The following DPH6 variants were observed in gnomAD, a reference collection of about 807,000 sequenced individuals.
DPH6 encodes the protein diphthine--ammonia ligase.
Under a neutral mutation model 38.2 loss-of-function variants are expected in DPH6, and 33 were observed. The observed-to-expected ratio is 0.86, with a 90% CI of 0.65 to 1.15. The LOEUF is 1.15. DPH6 is among the 50% of genes most tolerant of loss of function. The pLI, the probability that DPH6 is intolerant of heterozygous loss-of-function variation, is 0.00. For synonymous variants in DPH6, 108 were observed against 103.0 expected (o/e 1.05, Z -0.30); for missense variants, 325 against 320.0 (o/e 1.02, Z -0.12).
chr15:35,365,294 T>G (rs1011528440), intron 3 of DPH6, among the ~76,000 whole-genome samples: 2 of 152,224 alleles, frequency 1.3e-5, no homozygotes, highest in South Asian at 4.1e-4. Context: ...TCTATCTGTC[T>G]CACTCCATAG....
At position 35,507,323 on chromosome 15, in the gene DPH6, T is replaced by A. The variant is rs967649318; in HGVS notation, c.312+30951A>T. Reference sequence around the variant, plus strand: ...AAATACTATAATATAAAAATTTTATTTCTCTCACAATAATTTCTATGTATG... The same window carrying A: ...AAATACTATAATATAAAAATTTTATATCTCTCACAATAATTTCTATGTATG... On this transcript the variant is annotated intron_variant, in intron 3 of 8. Transcript: ENST00000256538. Among the ~76,000 whole-genome samples the A allele has an allele frequency of 9.2e-5, 14 of 152,158 alleles. No individual in the cohort carries two copies. The East Asian group carries it at 2.7e-3, about 29-fold the overall frequency.
chr15:35,438,683 T>G (rs2141052279), intron 5 of DPH6, among the ~76,000 whole-genome samples: 1 of 152,296 alleles, frequency 6.6e-6, no homozygotes, highest in Admixed American at 6.5e-5. Flanking sequence ...AAGAGAGCTC[T>G]TATTAATTGG....
In DPH6 at chr15:35,275,726, A is replaced by AAATAAT. The variant is rs547014638; in HGVS notation, n.201-55150_201-55145dup. Among the ~76,000 whole-genome samples, 12 of 151,920 alleles carry AAATAAT rather than the reference A, an allele frequency of 7.9e-5. No homozygotes were observed. The South Asian group carries it at 1.0e-3, about 13-fold the overall frequency. Reference sequence around the variant, plus strand: ...CAGACCTTAAAGTAAAAAAAAAAAAAAATAATAATATTAGTCTTCAATCTC... The same window carrying AAATAAT: ...CAGACCTTAAAGTAAAAAAAAAAAAAAATAATAATAATAATATTAGTCTTCAATCTC... On this transcript the variant is annotated intron_variant and non_coding_transcript_variant, in intron 3 of 3. Transcript: ENST00000560386.
chr15:35,482,384 G>A (rs2141152166), intron 3 of DPH6, among the ~76,000 whole-genome samples: 1 of 152,160 alleles, frequency 6.6e-6, no homozygotes, highest in East Asian at 1.9e-4. Flanking sequence ...CCTGACCTGA[G>A]GCTGTGCAGA....
chr15:35,302,289 A>G (rs2052059669), intron 3 of DPH6, among the ~76,000 whole-genome samples: 2 of 152,144 alleles, frequency 1.3e-5, no homozygotes, highest in African/African-American at 4.8e-5. Context: ...ATTACTAGCA[A>G]TCTCTTTTCT....
intron 2 of DPH6, 111 bp downstream of exon 2, chr15:35,542,302 A>G (rs2055264371): frequency 1.1e-6 from 1 of 873,794 alleles, no homozygotes; most frequent in Non-Finnish European, 1.7e-6. Context: ...TGGGTGCTTA[A>G]TATTTATTGG....
intron 3 of DPH6, among the ~76,000 whole-genome samples, chr15:35,361,552 A>T (rs2052614747): frequency 6.7e-6 from 1 of 149,396 alleles, no homozygotes. Context: ...GTACTCTCAT[A>T]CTGTATAGAT....
Position 35,357,368 on chromosome 15 carries a change from G to A in DPH6, n.207+16153C>T, listed in dbSNP as rs577535086. The stretch of plus-strand genomic sequence containing the variant: ...AATGCAGAAATCACCCATCTTCTGC[G>A]TTGCTCACACTGTGAGCTGTAGACT... On this transcript the variant is annotated intron_variant and non_coding_transcript_variant, in intron 3 of 3. Transcript: ENST00000558973. Among the ~76,000 whole-genome samples, 187 of 152,316 alleles carry A rather than the reference G, an allele frequency of 1.2e-3. 1 individual carries two copies. The highest frequency in any genetic ancestry group is 6.8e-3 in the Middle Eastern group (2 of 294).
intron 5 of DPH6, among the ~76,000 whole-genome samples, chr15:35,421,551 T>A (rs1159029110): frequency 6.6e-6 from 1 of 152,228 alleles, no homozygotes; most frequent in Non-Finnish European, 1.5e-5. Context: ...GAAAGATGTG[T>A]GGAACACAGA....
intron 3 of DPH6, among the ~76,000 whole-genome samples, chr15:35,317,785 A>G (rs182078847): frequency 4.1e-4 from 63 of 152,264 alleles, no homozygotes; most frequent in Admixed American, 2.9e-3. Context: ...GATGGTAATA[A>G]ATAAAGTTAA....
chr15:35,327,592 A>G (rs376496019), downstream of DPH6, among the ~76,000 whole-genome samples: 45 of 152,070 alleles, frequency 3.0e-4, no homozygotes, highest in African/African-American at 8.4e-4. Context: ...TGATCTGCCC[A>G]CCTCGGCCTC....
At chr15:35,250,378 G>T (rs973790108) in intron 3 of DPH6, among the ~76,000 whole-genome samples, 1 of 152,060 alleles carries the variant, frequency 6.6e-6, no homozygotes, top group South Asian at 2.1e-4. Context: ...CTGCCACAAC[G>T]TGTGGCACTG....
At chr15:35,336,745 C>A (rs939055002) in intron 3 of DPH6, among the ~76,000 whole-genome samples, 4 of 152,132 alleles carry the variant, frequency 2.6e-5, no homozygotes, top group African/African-American at 9.7e-5. Flanking sequence ...TGCTGGATTA[C>A]ATTTATTGAT....
chr15:35,487,888 A>G (rs2054426109), intron 3 of DPH6, among the ~76,000 whole-genome samples: 2 of 152,354 alleles, frequency 1.3e-5, no homozygotes, highest in Admixed American at 6.5e-5. Context: ...CTGTGAACAC[A>G]TATGAGCATA....
chr15:35,278,655 C>G (rs1045453787), intron 3 of DPH6, among the ~76,000 whole-genome samples: 5 of 152,206 alleles, frequency 3.3e-5, no homozygotes, highest in Non-Finnish European at 7.3e-5. Flanking sequence ...TGGACTCTAA[C>G]CCATCAGAGC....
chr15:35,160,867 A>T, the DPH6 span, among the ~76,000 whole-genome samples: 1 of 152,002 alleles, frequency 6.6e-6, no homozygotes, highest in Non-Finnish European at 1.5e-5. Flanking sequence ...GGAAACCATC[A>T]TTCTCAGCAA....
At chr15:35,306,939 T>C (rs550428223) in intron 3 of DPH6, among the ~76,000 whole-genome samples, 1 of 152,164 alleles carries the variant, frequency 6.6e-6, no homozygotes, top group South Asian at 2.1e-4. Context: ...ACAAAGGCAG[T>C]TTCAGAGCGA....
intron 3 of DPH6, among the ~76,000 whole-genome samples, chr15:35,530,368 T>C (rs1477439083): frequency 1.3e-5 from 2 of 151,758 alleles, no homozygotes; most frequent in African/African-American, 2.4e-5. Flanking sequence ...ACACTAGAGA[T>C]TGAAAATATA....
chr15:35,238,028 G>A, intron 3 of DPH6: 1 of 1,554,090 alleles, frequency 6.4e-7, no homozygotes, highest in Non-Finnish European at 8.9e-7. Flanking sequence ...GAAGCGAAAA[G>A]GAGAACCTGA....
Sources: allele counts gnomAD v4.1 joint callset (sites outside exome capture counted in the v4.1 genomes callset), GRCh38; gene constraint gnomAD v4.1.1; transcripts MANE v1.5; gene names NCBI Gene and HGNC (gene_info 2026-07-23, HGNC 2026-07-21).